CEP152: variants seen among roughly 807,000 people sequenced by gnomAD.
CEP152 encodes centrosomal protein 152, also known as centrosomal protein of 152 kDa.
In CEP152, 132 loss-of-function variants were observed where a neutral mutation model predicts 188.9. The observed-to-expected ratio is 0.70, with a 90% CI of 0.61 to 0.81. The LOEUF is 0.81. CEP152 is among the 30% of genes least tolerant of loss of function. CEP152 has a pLI of 0.00. For missense variants in CEP152, 1,914 were observed against 1,969.8 expected, an observed-to-expected ratio of 0.97 and a Z score of 0.54; for synonymous variants, 649 against 666.6, an observed-to-expected ratio of 0.97 and a Z score of 0.41.
chr15:48,748,455 C>T lies in CEP152; in HGVS notation c.3622G>A (p.Glu1208Lys). The change falls in exon 22 of 27, where the codon GAA becomes AAA. Residue 1208 changes from glutamate to lysine, a missense_variant. Glu to Lys is a moderately conservative substitution (Grantham distance 56). Coordinates refer to ENST00000380950, the MANE Select transcript of CEP152 (RefSeq NM_001194998.2). ...HLERKHKAVV[E>K]KIGEENNKVV... ...TTTAAATGCTAACCTCCAATTTTTT[C>T]CACTACAGCTTTGTGCTTCCTTTCT... 1 of 1,527,280 alleles carries T rather than the reference C, an allele frequency of 6.5e-7. No individual in the cohort carries two copies. The allele number at this position is 1,527,280 out of a possible 1,614,324, so 94.6% of individuals were successfully genotyped here.
intron 1 of CEP152, among the ~76,000 whole-genome samples, chr15:48,806,964 G>A (rs117274356): frequency 0.012 from 1,898 of 152,148 alleles, 35 homozygotes; most frequent in East Asian, 0.066. Flanking sequence ...AACTTCAGTG[G>A]TAAAAATCCC....
intron 17 of CEP152, 58 bp downstream of exon 17, chr15:48,767,002 A>G (rs1895162173): frequency 6.2e-7 from 1 of 1,602,876 alleles, no homozygotes; most frequent in Admixed American, 1.7e-5. Flanking sequence ...CGTTTAAATG[A>G]TAATACTGAG....
At chr15:48,733,307 T>A (rs1391629167), downstream of CEP152, among the ~76,000 whole-genome samples, 1 of 152,084 alleles carries the variant, frequency 6.6e-6, no homozygotes, top group African/African-American at 2.4e-5. Flanking sequence ...TCAAAATATG[T>A]CTATCCCCAA....
intron 7 of CEP152, 73 bp downstream of exon 7, chr15:48,793,248 T>C: frequency 1.3e-6 from 2 of 1,565,592 alleles, no homozygotes; most frequent in South Asian, 1.1e-5. Flanking sequence ...AAGCTTCGTA[T>C]GTAATCTGAG....
At chr15:48,787,124 T>G (rs1185314612) in intron 9 of CEP152, among the ~76,000 whole-genome samples, 1 of 151,428 alleles carries the variant, frequency 6.6e-6, no homozygotes, top group Non-Finnish European at 1.5e-5. Flanking sequence ...GTTTAAATAT[T>G]CTATAAAGTA....
rs1324309159 is a variant in CEP152 at position 48,756,127 on chromosome 15, G to A, written c.3121C>T (p.Gln1041Ter). The A allele has an allele frequency of 6.2e-7, 1 of 1,614,060 alleles. No homozygotes were observed. Among genetic ancestry groups the A allele is most frequent in the Non-Finnish European group, 8.5e-7 (1 of 1,179,984 alleles). The change falls in exon 20 of 27, where the codon CAG (glutamine) becomes TAG (stop). Residue 1041 changes from glutamine (Q) to a stop codon, truncating the protein, a stop_gained. Transcript: ENST00000380950. LOFTEE classifies it high-confidence loss of function. Reference sequence around the variant, plus strand: ...ACAGTCAGGATGTCTTCCTCATACTGATAGATTTCCAGTTGGATCCGCTTG... The same window carrying A: ...ACAGTCAGGATGTCTTCCTCATACTAATAGATTTCCAGTTGGATCCGCTTG... ...EAKRIQLEIY[Q>*]YEEDILTVLG...
At chr15:48,731,475 C>CT (rs1179265514) in intron 2 of CEP152, among the ~76,000 whole-genome samples, 13 of 152,242 alleles carry the variant, frequency 8.5e-5, no homozygotes, top group African/African-American at 3.1e-4. Context: ...GGAGAACTGG[C>CT]TAGCCATATG....
At chr15:48,785,489 T>C (rs1163388760) in intron 9 of CEP152, among the ~76,000 whole-genome samples, 1 of 152,040 alleles carries the variant, frequency 6.6e-6, no homozygotes, top group African/African-American at 2.4e-5. Flanking sequence ...AATGACAGCA[T>C]GACAGTAATG....
chr15:48,736,745 A>G (rs1436656081), downstream of CEP152, among the ~76,000 whole-genome samples: 1 of 152,228 alleles, frequency 6.6e-6, no homozygotes, highest in Non-Finnish European at 1.5e-5. Context: ...AGGAGCAGAA[A>G]GCAAGAGAAC....
intron 21 of CEP152, 100 bp downstream of exon 21, chr15:48,752,249 C>T: frequency 6.3e-7 from 1 of 1,592,858 alleles, no homozygotes; most frequent in African/African-American, 1.3e-5. Flanking sequence ...CGATTATTAC[C>T]CATTTGTTCA....
chr15:48,785,918 AAAGAG>A (rs373254330), intron 9 of CEP152, among the ~76,000 whole-genome samples: 25,730 of 141,138 alleles, frequency 0.18, 2,928 homozygotes, highest in East Asian at 0.4. Context: ...AAAAAAAAAA[AAAGAG>A]AGAGAGAGAG....
rs368223631 is a variant in CEP152, at chr15:48,788,676, C to A, written c.1173+125G>T. The A allele has an allele frequency of 1.2e-5, 12 of 976,032 alleles. No homozygotes were observed. In the African/African-American group the frequency reaches 1.8e-4, roughly 14 times the overall value. The allele number at this position is 976,032 out of a possible 1,614,324, so 60.5% of individuals were successfully genotyped here. ...ACTGGCTTTTAAGTTTCACTCACCT[C>A]ACACACAATCTAACATTTACTACAA... On this transcript the variant is annotated intron_variant, in intron 9 of 26. Transcript: ENST00000380950.
At chr15:48,746,446 C>T (rs542883711) in intron 22 of CEP152, among the ~76,000 whole-genome samples, 2 of 152,112 alleles carry the variant, frequency 1.3e-5, no homozygotes, top group Non-Finnish European at 2.9e-5. Flanking sequence ...AAATATACTA[C>T]AGTTGGACAA....
At chr15:48,748,392 A>G (rs1305492179) in intron 22 of CEP152, 51 bp downstream of exon 22, 6 of 1,476,034 alleles carry the variant, frequency 4.1e-6, no homozygotes, top group African/African-American at 1.4e-5. Context: ...GAACATTTCA[A>G]CAAGGATCAA....
intron 13 of CEP152, among the ~76,000 whole-genome samples, chr15:48,770,082 C>T (rs1236254335): frequency 3.9e-5 from 6 of 152,174 alleles, no homozygotes; most frequent in Non-Finnish European, 8.8e-5. Context: ...TGCATATTTT[C>T]CTCTGAGAGT....
chr15:48,767,934 A>T (rs558056638), intron 15 of CEP152, among the ~76,000 whole-genome samples: 2 of 152,208 alleles, frequency 1.3e-5, no homozygotes, highest in Non-Finnish European at 2.9e-5. Context: ...TTTATAAAGA[A>T]TAGTTTCCCA....
chr15:48,752,201 A>G, intron 21 of CEP152, 148 bp downstream of exon 21: 2 of 1,380,274 alleles, frequency 1.4e-6, no homozygotes, highest in Non-Finnish European at 2.0e-6. Flanking sequence ...TTATCTAAAT[A>G]CAAAATGAAA....
At chr15:48,779,486 T>C (rs1896116966) in intron 12 of CEP152, among the ~76,000 whole-genome samples, 1 of 152,258 alleles carries the variant, frequency 6.6e-6, no homozygotes, top group African/African-American at 2.4e-5. Flanking sequence ...TAATCAACCA[T>C]CTACTGTATA....
At chr15:48,806,235 T>C (rs1445482105) in intron 1 of CEP152, among the ~76,000 whole-genome samples, 3 of 152,118 alleles carry the variant, frequency 2.0e-5, no homozygotes, top group Non-Finnish European at 4.4e-5. Flanking sequence ...GTTCTGGCAA[T>C]ATACTCGGGA....
Sources: allele counts gnomAD v4.1 joint callset (sites outside exome capture counted in the v4.1 genomes callset), GRCh38; gene constraint gnomAD v4.1.1; transcripts MANE v1.5; gene names NCBI Gene and HGNC (gene_info 2026-07-23, HGNC 2026-07-21).